Variants in MARK3 observed in about 807,000 individuals in gnomAD.
MARK3 encodes the protein MAP/microtubule affinity-regulating kinase 3.
MARK3 carries 46 observed loss-of-function variants against 90.1 expected under a neutral mutation model. The observed-to-expected ratio is 0.51, with a 90% CI of 0.40 to 0.65. The LOEUF is 0.65. Ranked by LOEUF, MARK3 falls within the 30% of genes least tolerant of loss-of-function variation. The probability of loss-of-function intolerance (pLI) is 0.00; values close to 1 mark genes in which losing one functional copy is unlikely to be tolerated. For missense variants in MARK3, 818 were observed against 947.2 expected (o/e 0.86, Z 1.79); for synonymous variants, 321 against 332.6 (o/e 0.97, Z 0.38).
At chr14:103,469,959 G>A (rs1378797201) in intron 12 of MARK3, among the ~76,000 whole-genome samples, 2 of 151,746 alleles carry the variant, frequency 1.3e-5, no homozygotes, top group African/African-American at 4.8e-5. Flanking sequence ...TACTCAGGAG[G>A]CTGAGGTAGG....
In MARK3 at chr14:103,396,172, CGG is replaced by C. The variant is rs1555369463; in HGVS notation, c.52-8900_52-8899del. 2.1e-3 allele frequency among the ~76,000 whole-genome samples: 318 copies of C among 152,230 alleles called. 1 individual carries two copies. Among genetic ancestry groups the C allele is most frequent in the Non-Finnish European group, 3.7e-3 (255 of 68,024 alleles). ...TTTTGCCTGAGTGGGAGAGGAGACC[CGG>C]GGGTCTGTTATTTAACAGACTGATA... On this transcript the variant is annotated intron_variant, in intron 1 of 17. Coordinates refer to ENST00000429436, the MANE Select transcript of MARK3 (RefSeq NM_001128918.3).
rs150522563 is a variant in MARK3, at chr14:103,466,834, A to G, written c.998-245A>G. Among the ~76,000 whole-genome samples the G allele has an allele frequency of 5.7e-3, 862 of 152,042 alleles. 9 individuals carry two copies. Among genetic ancestry groups the G allele is most frequent in the African/African-American group, 0.02 (818 of 41,474 alleles). Reference sequence around the variant, plus strand: ...AGCCTGACCAACATGGAGAAACCCCATCTCTACTAAAACTACAAAATTAGC... The same window carrying G: ...AGCCTGACCAACATGGAGAAACCCCGTCTCTACTAAAACTACAAAATTAGC... On this transcript the variant is annotated intron_variant, in intron 10 of 17. Coordinates refer to ENST00000429436, the MANE Select transcript of MARK3 (RefSeq NM_001128918.3).
At position 103,501,882 on chromosome 14, in the gene MARK3, C is replaced by T. The variant is rs185418053; in HGVS notation, c.1917-1000C>T. Reference sequence around the variant, plus strand: ...TGGTGGATGTGAACCAAATTGAATACTGGCAGGTTGGTGACACGGAGAGCT... The same window carrying T: ...TGGTGGATGTGAACCAAATTGAATATTGGCAGGTTGGTGACACGGAGAGCT... On this transcript the variant is annotated intron_variant, in intron 17 of 17. Transcript: ENST00000429436. 1.4e-4 allele frequency among the ~76,000 whole-genome samples: 22 copies of T among 152,330 alleles called. 1 individual carries two copies. Among genetic ancestry groups the T allele is most frequent in the Admixed American group, 4.6e-4 (7 of 15,302 alleles).
chr14:103,407,849 G>A (rs1412450068), intron 2 of MARK3, among the ~76,000 whole-genome samples: 1 of 152,036 alleles, frequency 6.6e-6, no homozygotes, highest in Admixed American at 6.6e-5. Context: ...GTAAGCCAGC[G>A]TGCCCAACCT....
chr14:103,492,053 T>A lies in MARK3; in HGVS notation c.1844+19T>A, dbSNP rs1257494175. Reference sequence around the variant, plus strand: ...CAAGGAGGTAAGTGCTAGGTGCTGGTTGTTTTGGAGTGAACACATAGAGCA... The same window carrying A: ...CAAGGAGGTAAGTGCTAGGTGCTGGATGTTTTGGAGTGAACACATAGAGCA... On this transcript the variant is annotated intron_variant, in intron 15 of 17. Coordinates refer to ENST00000429436, the MANE Select transcript of MARK3 (RefSeq NM_001128918.3). 1.9e-6 allele frequency: 3 copies of A among 1,612,260 alleles called. No individual in the cohort carries two copies. In the East Asian group the frequency reaches 6.7e-5, roughly 36 times the overall value.
At chr14:103,420,773 T>A (rs1443143939) in intron 2 of MARK3, among the ~76,000 whole-genome samples, 1 of 152,184 alleles carries the variant, frequency 6.6e-6, no homozygotes, top group East Asian at 1.9e-4. Flanking sequence ...GTAATCCTTT[T>A]CGGACATATG....
chr14:103,402,687 A>G (rs2140631568), intron 1 of MARK3, among the ~76,000 whole-genome samples: 2 of 152,306 alleles, frequency 1.3e-5, no homozygotes, highest in South Asian at 4.1e-4. Flanking sequence ...GTAGAGATGA[A>G]TCTCTGAAGT....
At chr14:103,482,778 A>C (rs775302050) in intron 14 of MARK3, among the ~76,000 whole-genome samples, 2 of 152,108 alleles carry the variant, frequency 1.3e-5, no homozygotes, top group Admixed American at 6.5e-5. Flanking sequence ...AATATTTAAG[A>C]CTTCTTTAAT....
intron 2 of MARK3, chr14:103,412,245 C>T (rs753295068): frequency 1.1e-5 from 8 of 745,926 alleles, no homozygotes; most frequent in Admixed American, 2.2e-5. Context: ...ACAAGCTCAT[C>T]GTCTGTCATC....
At position 103,502,986 on chromosome 14, in the gene MARK3, A is replaced by C. The variant is rs760213752; in HGVS notation, c.2021A>C (p.Asp674Ala). 1 of 1,614,238 alleles carries C rather than the reference A, an allele frequency of 6.2e-7. No homozygotes were observed. The highest frequency in any genetic ancestry group is 8.5e-7 in the Non-Finnish European group (1 of 1,180,042). Residue 674 changes from aspartate to alanine, a missense_variant, in exon 18 of 18, where the codon GAC (aspartate) becomes GCC (alanine). By Grantham distance (126) the Asp-to-Ala change is moderately radical. Coordinates refer to ENST00000429436, the MANE Select transcript of MARK3 (RefSeq NM_001128918.3). ...ACCACTAGTTCAATGGATCCCGGGG[A>C]CATGATGCGGGAAATCCGCAAAGTG... is the stretch of plus-strand genomic sequence containing the variant. ...MKTTSSMDPG[D>A]MMREIRKVLD...
Position 103,466,371 on chromosome 14 carries a change from C to T in MARK3, c.926C>T (p.Ala309Val), listed in dbSNP as rs764614999. The T allele has an allele frequency of 6.2e-7, 1 of 1,613,710 alleles. No homozygotes were observed. The highest frequency in any genetic ancestry group is 8.5e-7 in the Non-Finnish European group (1 of 1,179,702). ...ATCATGAAGGACAGGTGGATCAATGCAGGGCATGAAGAAGATGAACTCAAA... is the reference window on the plus strand; with the variant it reads ...ATCATGAAGGACAGGTGGATCAATGTAGGGCATGAAGAAGATGAACTCAAA... ...EQIMKDRWIN[A>V]GHEEDELKPF... The change falls in exon 10 of 18, where the codon GCA becomes GTA. Residue 309 changes from alanine to valine, a missense_variant. By Grantham distance (64) the Ala-to-Val change is moderately conservative (BLOSUM62 0). This residue lies in a region of MARK3 where 560 missense variants were observed against 613.5 expected (regional missense o/e 0.91). Transcript: ENST00000429436.
rs1403071289 is a variant in MARK3, at chr14:103,462,002, C to G, written c.484-403C>G. On this transcript the variant is annotated intron_variant, in intron 6 of 17. Coordinates refer to ENST00000429436, the MANE Select transcript of MARK3 (RefSeq NM_001128918.3). ...AGTGAGCCAAGATCATGCCATTGCACTCTAGCCTGGGTGACAGAACGAGAC... is the reference window on the plus strand; with the variant it reads ...AGTGAGCCAAGATCATGCCATTGCAGTCTAGCCTGGGTGACAGAACGAGAC... Among the ~76,000 whole-genome samples, 87 of 148,916 alleles carry G rather than the reference C, an allele frequency of 5.8e-4. 1 individual carries two copies. The Admixed American group carries it at 5.9e-3, about 10-fold the overall frequency.
intron 2 of MARK3, among the ~76,000 whole-genome samples, chr14:103,419,506 A>G (rs1337816115): frequency 6.6e-6 from 1 of 152,232 alleles, no homozygotes; most frequent in Non-Finnish European, 1.5e-5. Flanking sequence ...AAAAGAGTGA[A>G]TTGTTTAAAT....
chr14:103,500,105 ATTTCT>A (rs1398246380), intron 16 of MARK3, 46 bp from the exon 17 acceptor site: 2 of 1,475,626 alleles, frequency 1.4e-6, no homozygotes, highest in Non-Finnish European at 1.9e-6. Context: ...GGCATGTAAG[ATTTCT>A]TTTCTCTTTC....
intron 4 of MARK3, among the ~76,000 whole-genome samples, chr14:103,450,917 T>TGTGTGTGTGTG (rs1566865994): frequency 1.1e-5 from 1 of 93,610 alleles, no homozygotes; most frequent in Non-Finnish European, 2.1e-5. Flanking sequence ...TGTGTGTGTG[T>TGTGTGTGTGTG]ATTCTTTTTT....
At chr14:103,490,907 T>G in intron 14 of MARK3, 1 of 1,228,164 alleles carries the variant, frequency 8.1e-7, no homozygotes, top group Non-Finnish European at 1.1e-6. Flanking sequence ...TCACTGCTCC[T>G]TCATACTGTG....
chr14:103,469,921 C>T (rs932413750), intron 12 of MARK3, among the ~76,000 whole-genome samples: 8 of 151,866 alleles, frequency 5.3e-5, no homozygotes, highest in African/African-American at 1.9e-4. Context: ...ATTACCTGGG[C>T]ATGGTGGTGT....
Position 103,408,195 on chromosome 14 carries a change from G to A in MARK3, c.243+2928G>A, listed in dbSNP as rs548626530. Among the ~76,000 whole-genome samples, 23 of 152,092 alleles carry A rather than the reference G, an allele frequency of 1.5e-4. No homozygotes were observed. In the South Asian group the frequency reaches 4.8e-3, roughly 32 times the overall value. ...AATAATACTGTTTTTTGGCGGGGGG[G>A]AGGTGGTGTTGGCAACAGAGTCTCA... On this transcript the variant is annotated intron_variant, in intron 2 of 17. Transcript: ENST00000429436.
rs377317404 is a variant in MARK3 at position 103,419,493 on chromosome 14, T to C, written c.244-8894T>C. On this transcript the variant is annotated intron_variant, in intron 2 of 17. Transcript: ENST00000429436. Reference sequence around the variant, plus strand: ...AACAACTATTTTCCAAAGCAAATTATTGAAAAGAGTGAATTGTTTAAATTC... The same window carrying C: ...AACAACTATTTTCCAAAGCAAATTACTGAAAAGAGTGAATTGTTTAAATTC... Among the ~76,000 whole-genome samples the C allele has an allele frequency of 2.2e-4, 33 of 152,302 alleles. 1 individual carries two copies. The East Asian group carries it at 6.0e-3, about 28-fold the overall frequency.
Sources: allele counts gnomAD v4.1 joint callset (sites outside exome capture counted in the v4.1 genomes callset), GRCh38; gene constraint gnomAD v4.1.1; regional missense constraint gnomAD v4.1.1; transcripts MANE v1.5; gene names NCBI Gene and HGNC (gene_info 2026-07-23, HGNC 2026-07-21).